Variants in CFAP299 observed in about 807,000 individuals in gnomAD.
CFAP299 encodes the protein cilia- and flagella-associated protein 299.
A neutral mutation model predicts 27.0 loss-of-function variants in CFAP299; 21 were observed. The ratio of observed to expected loss-of-function variants is 0.78; its 90% CI spans 0.55 to 1.12. The LOEUF (loss-of-function observed/expected upper bound fraction) is 1.12, where lower values mean the gene tolerates loss of function less well. Among genes scored for constraint, CFAP299 ranks in the 50% most tolerant of loss-of-function variants. The pLI is 0.00. For missense variants in CFAP299, 310 were observed against 276.6 expected (o/e 1.12, Z -0.86); for synonymous variants, 104 against 98.1 (o/e 1.06, Z -0.36).
At chr4:80,436,092 G>A (rs1194364591) in intron 2 of CFAP299, among the ~76,000 whole-genome samples, 2 of 152,118 alleles carry the variant, frequency 1.3e-5, no homozygotes, top group East Asian at 1.9e-4. Flanking sequence ...GGGTTGCAAC[G>A]TGGACAGACT....
chr4:80,937,312 C>CTTTTTATT (rs1736952972), intron 4 of CFAP299, among the ~76,000 whole-genome samples: 1 of 68,688 alleles, frequency 1.5e-5, no homozygotes, highest in African/African-American at 6.6e-5. Context: ...TTTTTTCTTT[C>CTTTTTATT]TTTTTTTTTT....
chr4:80,825,603 C>G (rs1175984531), intron 3 of CFAP299, among the ~76,000 whole-genome samples: 1 of 151,754 alleles, frequency 6.6e-6, no homozygotes, highest in Middle Eastern at 3.4e-3. Flanking sequence ...TTTAAAGGTG[C>G]TCAAATAAAA....
intron 3 of CFAP299, among the ~76,000 whole-genome samples, chr4:80,857,640 C>G (rs1483407301): frequency 6.6e-6 from 1 of 152,066 alleles, no homozygotes; most frequent in Non-Finnish European, 1.5e-5. Flanking sequence ...TGTCAAAGGC[C>G]TTTTCTGCAT....
intron 3 of CFAP299, among the ~76,000 whole-genome samples, chr4:80,680,396 GT>G (rs1460531328): frequency 6.6e-6 from 1 of 151,992 alleles, no homozygotes; most frequent in African/African-American, 2.4e-5. Flanking sequence ...CTTCTCCAAG[GT>G]TTTTTTATAT....
intron 3 of CFAP299, among the ~76,000 whole-genome samples, chr4:80,709,296 G>T (rs1317605453): frequency 2.6e-5 from 4 of 152,070 alleles, no homozygotes; most frequent in African/African-American, 4.8e-5. Flanking sequence ...ATGAATAAAT[G>T]AAAGCAAATC....
chr4:80,851,012 C>T (rs886230859), intron 3 of CFAP299, among the ~76,000 whole-genome samples: 1 of 151,614 alleles, frequency 6.6e-6, no homozygotes, highest in Admixed American at 6.6e-5. Context: ...AACATAAGAG[C>T]AAATTTATGG....
intron 4 of CFAP299, chr4:80,871,392 G>A (rs1437666253): frequency 1.0e-6 from 1 of 985,376 alleles, no homozygotes; most frequent in African/African-American, 1.7e-5. Context: ...CTACCCCACT[G>A]GGTACTGCTG....
At chr4:80,813,778 G>C (rs1212745043) in intron 3 of CFAP299, among the ~76,000 whole-genome samples, 5 of 151,908 alleles carry the variant, frequency 3.3e-5, no homozygotes, top group Non-Finnish European at 5.9e-5. Context: ...CTTGCCAAAT[G>C]TGTAAATACA....
chr4:80,370,563 T>TACCC (rs1724090384), intron 2 of CFAP299, among the ~76,000 whole-genome samples: 1 of 152,198 alleles, frequency 6.6e-6, no homozygotes, highest in South Asian at 2.1e-4. Context: ...ATTAGGTAAG[T>TACCC]ACCCTTGTTC....
At chr4:80,592,203 G>T (rs1364075016) in intron 3 of CFAP299, among the ~76,000 whole-genome samples, 1 of 151,926 alleles carries the variant, frequency 6.6e-6, no homozygotes, top group African/African-American at 2.4e-5. Flanking sequence ...TGTACATAAG[G>T]GTTTTTACCT....
intron 4 of CFAP299, among the ~76,000 whole-genome samples, chr4:80,912,708 C>A (rs952582332): frequency 6.6e-6 from 1 of 152,144 alleles, no homozygotes; most frequent in African/African-American, 2.4e-5. Context: ...AGAATCACCC[C>A]AAATCAAGTT....
intron 3 of CFAP299, among the ~76,000 whole-genome samples, chr4:80,796,584 G>A (rs528916694): frequency 6.6e-6 from 1 of 152,234 alleles, no homozygotes; most frequent in Non-Finnish European, 1.5e-5. Context: ...TGGAGAAAAG[G>A]CAATGAAACC....
At chr4:80,608,264 C>A in intron 3 of CFAP299, 1 of 1,040,004 alleles carries the variant, frequency 9.6e-7, no homozygotes, top group South Asian at 1.5e-5. Context: ...TCAAGCTATA[C>A]TTTAGATAGG....
intron 3 of CFAP299, among the ~76,000 whole-genome samples, chr4:80,667,229 A>G (rs1378098048): frequency 6.6e-6 from 1 of 152,140 alleles, no homozygotes; most frequent in African/African-American, 2.4e-5. Context: ...AAAGATGTAC[A>G]TATTCTCGGG....
chr4:80,322,073 T>G, the CFAP299 span, among the ~76,000 whole-genome samples: 1 of 152,120 alleles, frequency 6.6e-6, no homozygotes, highest in Non-Finnish European at 1.5e-5. Context: ...CCAGGGTCAT[T>G]GTGGGCTGGG....
intron 1 of CFAP299, among the ~76,000 whole-genome samples, chr4:80,350,989 A>G (rs1477387433): frequency 6.6e-6 from 1 of 152,210 alleles, no homozygotes; most frequent in African/African-American, 2.4e-5. Flanking sequence ...AAGCCATAGA[A>G]AAATGAACGG....
intron 3 of CFAP299, among the ~76,000 whole-genome samples, chr4:80,725,454 T>C (rs1401367881): frequency 6.6e-6 from 1 of 152,304 alleles, no homozygotes; most frequent in Admixed American, 6.5e-5. Context: ...AGATACTTGA[T>C]TGTTTTTAAG....
chr4:80,876,060 A>G (rs937099969), intron 4 of CFAP299, among the ~76,000 whole-genome samples: 1 of 151,688 alleles, frequency 6.6e-6, no homozygotes, highest in Non-Finnish European at 1.5e-5. Flanking sequence ...ATGTTAACTG[A>G]GCACTTACTG....
intron 2 of CFAP299, among the ~76,000 whole-genome samples, chr4:80,494,276 T>G (rs1731317477): frequency 6.6e-6 from 1 of 152,210 alleles, no homozygotes; most frequent in Admixed American, 6.5e-5. Flanking sequence ...GCTCTTCCCA[T>G]TATCCTCACT....
Sources: allele counts gnomAD v4.1 joint callset (sites outside exome capture counted in the v4.1 genomes callset), GRCh38; gene constraint gnomAD v4.1.1; transcripts MANE v1.5; gene names NCBI Gene and HGNC (gene_info 2026-07-23, HGNC 2026-07-21).